Variants in RBFOX1 observed in about 807,000 individuals in gnomAD.
RBFOX1 encodes the protein RNA binding fox-1 homolog 1, also known as RNA binding protein fox-1 homolog 1.
In RBFOX1, 8 loss-of-function variants were observed where a neutral mutation model predicts 57.7. The observed-to-expected ratio is 0.14, with a 90% confidence interval of 0.08 to 0.25. The LOEUF is 0.25. Among genes scored for constraint, RBFOX1 ranks in the 10% least tolerant of loss-of-function variants. The pLI is 1.00. For synonymous variants in RBFOX1, 326 were observed against 222.4 expected (o/e 1.47, Z -4.15); for missense variants, 611 against 548.5 (o/e 1.11, Z -1.14).
At chr16:6,126,510 C>T (rs1284770938) in intron 1 of RBFOX1, among the ~76,000 whole-genome samples, 1 of 152,120 alleles carries the variant, frequency 6.6e-6, no homozygotes, top group East Asian at 1.9e-4. Context: ...ATGTAATATG[C>T]CGAAGATCAC....
intron 1 of RBFOX1, among the ~76,000 whole-genome samples, chr16:6,125,959 TG>T (rs1030305419): frequency 6.6e-6 from 1 of 152,082 alleles, no homozygotes; most frequent in African/African-American, 2.4e-5. Context: ...CTATAAGGAA[TG>T]GGGGGATAGT....
At position 7,490,043 on chromosome 16, in the gene RBFOX1, C is replaced by G. The variant is rs150716854; in HGVS notation, c.28-28104C>G. On this transcript the variant is annotated intron_variant, in intron 4 of 15. Transcript: ENST00000550418. ...GGTAGACCTGTGTCTCCCCATGTTT[C>G]TCTGTGATTGCTCCCCCTTTAAATC... Among the ~76,000 whole-genome samples, 1,031 of 152,236 alleles carry G rather than the reference C, an allele frequency of 6.8e-3. 13 individuals are homozygous for G. Among genetic ancestry groups the G allele is most frequent in the African/African-American group, 0.023 (941 of 41,546 alleles).
At chr16:6,852,066 C>T (rs775006688) in intron 3 of RBFOX1, among the ~76,000 whole-genome samples, 1 of 151,870 alleles carries the variant, frequency 6.6e-6, no homozygotes, top group Non-Finnish European at 1.5e-5. Flanking sequence ...GCTGAGACTA[C>T]AGGCACCTGC....
chr16:6,706,226 A>C (rs893900387), intron 3 of RBFOX1, among the ~76,000 whole-genome samples: 1 of 152,204 alleles, frequency 6.6e-6, no homozygotes, highest in East Asian at 1.9e-4. Flanking sequence ...TCACAACAGC[A>C]GTGGCTTTCC....
At chr16:6,726,887 G>C (rs1257397147) in intron 3 of RBFOX1, among the ~76,000 whole-genome samples, 3 of 152,004 alleles carry the variant, frequency 2.0e-5, no homozygotes, top group Non-Finnish European at 4.4e-5. Flanking sequence ...TATTGGCTGT[G>C]CTATAAATGG....
chr16:7,182,075 C>G (rs1017646463), intron 4 of RBFOX1, among the ~76,000 whole-genome samples: 16 of 152,162 alleles, frequency 1.1e-4, no homozygotes, highest in African/African-American at 2.2e-4. Context: ...CTGAATGAGT[C>G]TTCAGAAGCT....
intron 3 of RBFOX1, among the ~76,000 whole-genome samples, chr16:5,665,273 C>T (rs2049803124): frequency 6.6e-6 from 1 of 152,178 alleles, no homozygotes; most frequent in Non-Finnish European, 1.5e-5. Flanking sequence ...GTCTCAGAGC[C>T]TTTGCATCCA....
chr16:5,299,721 A>G (rs1012924746), intron 1 of RBFOX1, among the ~76,000 whole-genome samples: 1 of 152,182 alleles, frequency 6.6e-6, no homozygotes, highest in South Asian at 2.1e-4. Context: ...GATGTATACA[A>G]TCATGCCATT....
intron 12 of RBFOX1, among the ~76,000 whole-genome samples, chr16:7,655,276 A>G (rs1312962691): frequency 6.6e-6 from 1 of 152,212 alleles, no homozygotes; most frequent in Non-Finnish European, 1.5e-5. Flanking sequence ...AGGGAAAGTT[A>G]AGGAAAAGTA....
chr16:5,349,318 A>T (rs1037987303), intron 1 of RBFOX1, among the ~76,000 whole-genome samples: 1 of 152,180 alleles, frequency 6.6e-6, no homozygotes, highest in African/African-American at 2.4e-5. Context: ...GTTATGCAAG[A>T]TGCATATGTT....
chr16:7,689,202 T>C (rs1398923967), intron 14 of RBFOX1, among the ~76,000 whole-genome samples: 1 of 152,134 alleles, frequency 6.6e-6, no homozygotes, highest in Admixed American at 6.6e-5. Flanking sequence ...AACATTCCCA[T>C]GAGCCAAGAC....
intron 1 of RBFOX1, among the ~76,000 whole-genome samples, chr16:6,173,755 G>A (rs564206734): frequency 4.4e-4 from 67 of 152,068 alleles, no homozygotes; most frequent in African/African-American, 1.2e-3. Flanking sequence ...GGCTATAGGC[G>A]TATGGCACCA....
intron 3 of RBFOX1, among the ~76,000 whole-genome samples, chr16:6,802,387 C>T (rs1443409711): frequency 6.6e-6 from 1 of 151,970 alleles, no homozygotes; most frequent in Non-Finnish European, 1.5e-5. Flanking sequence ...TTAGAAAGTC[C>T]ATGTTATGGC....
chr16:7,176,908 C>A (rs570810989), intron 4 of RBFOX1, among the ~76,000 whole-genome samples: 7 of 152,024 alleles, frequency 4.6e-5, no homozygotes, highest in African/African-American at 1.7e-4. Flanking sequence ...AGATATTTCC[C>A]ATTTAAATGC....
intron 3 of RBFOX1, among the ~76,000 whole-genome samples, chr16:5,758,740 T>G (rs1026996589): frequency 6.6e-6 from 1 of 152,182 alleles, no homozygotes; most frequent in Non-Finnish European, 1.5e-5. Flanking sequence ...ATGGTAAATT[T>G]GACATCCTAA....
intron 4 of RBFOX1, among the ~76,000 whole-genome samples, chr16:7,298,340 G>C (rs1233551440): frequency 2.1e-5 from 3 of 142,930 alleles, no homozygotes; most frequent in Non-Finnish European, 3.0e-5. Context: ...AGGCTCTGGA[G>C]TGCAGTAGCA....
rs28667809 is a variant in RBFOX1, at chr16:7,350,078, C to T, written c.28-168069C>T. ...GGGAGAATCACTTGAACTTGGGAGG[C>T]AGAGGTTGCAGTGAGCCGAGATCAG... On this transcript the variant is annotated intron_variant, in intron 4 of 15. Coordinates refer to ENST00000550418, the MANE Select transcript of RBFOX1 (RefSeq NM_018723.4). 2.8e-3 allele frequency among the ~76,000 whole-genome samples: 433 copies of T among 152,048 alleles called. 1 individual carries two copies. The highest frequency in any genetic ancestry group is 5.2e-3 in the Admixed American group (79 of 15,270).
chr16:6,541,154 A>G (rs181565287), intron 2 of RBFOX1, among the ~76,000 whole-genome samples: 2 of 152,334 alleles, frequency 1.3e-5, no homozygotes, highest in Admixed American at 6.5e-5. Flanking sequence ...AGTTGGTAGT[A>G]GGACACAGAT....
chr16:5,925,808 G>T (rs892078646), intron 4 of RBFOX1, among the ~76,000 whole-genome samples: 3 of 152,090 alleles, frequency 2.0e-5, no homozygotes, highest in African/African-American at 2.4e-5. Flanking sequence ...AGCTTTCTCT[G>T]CTCACACATC....
Sources: gnomAD v4.1 joint callset for allele counts (sites outside exome capture counted in the v4.1 genomes callset) on GRCh38, gnomAD v4.1.1 for gene constraint, MANE v1.5 for transcripts, NCBI Gene and HGNC (gene_info 2026-07-23, HGNC 2026-07-21) for gene names.